Variants in MAGI3 observed in about 807,000 individuals in gnomAD.
The protein encoded by MAGI3 is membrane-associated guanylate kinase, WW and PDZ domain-containing protein 3.
MAGI3 carries 43 observed loss-of-function variants against 121.8 expected under a neutral mutation model. The observed-to-expected ratio is 0.35, with a 90% confidence interval of 0.28 to 0.46. The LOEUF is 0.46. Among genes scored for constraint, MAGI3 ranks in the 20% least tolerant of loss-of-function variants. MAGI3 has a pLI of 1.00. For synonymous variants in MAGI3, 553 were observed against 639.3 expected, an observed-to-expected ratio of 0.86 and a Z score of 2.04; for missense variants, 1,547 against 1,797.3, an observed-to-expected ratio of 0.86 and a Z score of 2.52.
intron 9 of MAGI3, among the ~76,000 whole-genome samples, chr1:113,631,649 A>C (rs1651641429): frequency 6.6e-6 from 1 of 152,038 alleles, no homozygotes; most frequent in African/African-American, 2.4e-5. Flanking sequence ...TTTACCTATA[A>C]CCTTATTTGA....
chr1:113,672,684 G>A lies in MAGI3; in HGVS notation c.2988G>A (p.Lys996=). The A allele has an allele frequency of 6.2e-7, 1 of 1,614,038 alleles. No homozygotes were observed. Among genetic ancestry groups the A allele is most frequent in the South Asian group, 1.1e-5 (1 of 91,048 alleles). ...TSYRHSWSDH[K]HLAQPDTAVI... ...ACAGACATTCTTGGTCAGACCACAA[G>A]CACCTTGCACAGCCTGACACCGCAG... The change falls in exon 18 of 21, where the codon AAG becomes AAA. Residue 996 remains lysine, a synonymous_variant. Transcript: ENST00000307546.
chr1:113,659,018 A>G, intron 15 of MAGI3, 62 bp from the exon 16 acceptor site: 1 of 1,320,066 alleles, frequency 7.6e-7, no homozygotes, highest in Non-Finnish European at 1.1e-6. Context: ...GACGTTGATT[A>G]TAAATCTAAC....
intron 1 of MAGI3, among the ~76,000 whole-genome samples, chr1:113,446,577 C>A (rs1244845698): frequency 6.6e-6 from 1 of 152,108 alleles, no homozygotes; most frequent in Non-Finnish European, 1.5e-5. Context: ...AACCAAAAGA[C>A]AGAGATTGGC....
intron 19 of MAGI3, among the ~76,000 whole-genome samples, chr1:113,680,486 G>A (rs754885467): frequency 3.3e-5 from 5 of 152,078 alleles, no homozygotes; most frequent in Non-Finnish European, 7.4e-5. Context: ...GGCCGGGCGC[G>A]GTGGCTCACG....
chr1:113,643,906 T>G (rs1652689348), intron 11 of MAGI3, 132 bp downstream of exon 11: 1 of 945,632 alleles, frequency 1.1e-6, no homozygotes, highest in African/African-American at 1.7e-5. Flanking sequence ...TGCCCTTGGC[T>G]TGTATTTATT....
chr1:113,419,658 G>T (rs1240925487), intron 1 of MAGI3, among the ~76,000 whole-genome samples: 1 of 152,126 alleles, frequency 6.6e-6, no homozygotes, highest in South Asian at 2.1e-4. Flanking sequence ...TTGGAGAGTG[G>T]TTGGAGACAT....
At chr1:113,441,608 A>G (rs1936927) in intron 1 of MAGI3, among the ~76,000 whole-genome samples, 23,183 of 152,164 alleles carry the variant, frequency 0.15, 2,807 homozygotes, top group East Asian at 0.63. Flanking sequence ...GAAAACAAAC[A>G]TTCAGAGTAG....
chr1:113,657,794 G>A (rs1653564117), intron 15 of MAGI3, among the ~76,000 whole-genome samples: 2 of 152,168 alleles, frequency 1.3e-5, no homozygotes, highest in African/African-American at 4.8e-5. Flanking sequence ...AAGGAAAATA[G>A]AATAATAAGT....
At chr1:113,464,828 C>T (rs1295915789) in intron 1 of MAGI3, among the ~76,000 whole-genome samples, 6 of 152,020 alleles carry the variant, frequency 3.9e-5, no homozygotes, top group African/African-American at 1.4e-4. Flanking sequence ...ATCTTTTGCC[C>T]GTTTTTAAAT....
At chr1:113,651,991 A>T (rs142272048) in intron 14 of MAGI3, among the ~76,000 whole-genome samples, 3 of 152,124 alleles carry the variant, frequency 2.0e-5, no homozygotes, top group Non-Finnish European at 2.9e-5. Flanking sequence ...TGCATGGATT[A>T]TTTTATTTAA....
At chr1:113,571,330 G>T (rs980216891) in intron 2 of MAGI3, among the ~76,000 whole-genome samples, 1 of 152,064 alleles carries the variant, frequency 6.6e-6, no homozygotes, top group Admixed American at 6.6e-5. Flanking sequence ...GTGGTGTGAC[G>T]CCTCCAGCTT....
chr1:113,450,720 G>A (rs1654445127), intron 1 of MAGI3: 14 of 1,123,820 alleles, frequency 1.2e-5, no homozygotes, highest in Middle Eastern at 2.0e-4. Context: ...GGATATGGTA[G>A]CAGAAGGTTC....
chr1:113,546,810 C>T (rs1659554766), intron 1 of MAGI3, among the ~76,000 whole-genome samples: 1 of 151,674 alleles, frequency 6.6e-6, no homozygotes, highest in Non-Finnish European at 1.5e-5. Context: ...AGGCCAGGCA[C>T]AGTGGCTCAT....
At chr1:113,423,923 G>A (rs1236401696) in intron 1 of MAGI3, among the ~76,000 whole-genome samples, 6 of 152,264 alleles carry the variant, frequency 3.9e-5, no homozygotes, top group South Asian at 2.1e-4. Context: ...GTGTGTCAGC[G>A]CCACCCCAAG....
chr1:113,616,645 T>C (rs1650487176), intron 7 of MAGI3, among the ~76,000 whole-genome samples: 1 of 152,216 alleles, frequency 6.6e-6, no homozygotes, highest in Non-Finnish European at 1.5e-5. Flanking sequence ...ATGCTTATAA[T>C]ATGCATAAAT....
chr1:113,661,020 C>G (rs1236990609), intron 16 of MAGI3, among the ~76,000 whole-genome samples: 2 of 151,962 alleles, frequency 1.3e-5, no homozygotes, highest in African/African-American at 4.8e-5. Context: ...TATTTAAACC[C>G]AATAAAAGAA....
intron 1 of MAGI3, among the ~76,000 whole-genome samples, chr1:113,478,435 G>T (rs1655955798): frequency 6.6e-6 from 1 of 151,844 alleles, no homozygotes; most frequent in African/African-American, 2.4e-5. Flanking sequence ...CCTTTTTGTT[G>T]ACGTTGATGC....
intron 1 of MAGI3, among the ~76,000 whole-genome samples, chr1:113,398,241 G>C (rs1302651808): frequency 6.6e-6 from 1 of 152,114 alleles, no homozygotes; most frequent in East Asian, 1.9e-4. Context: ...TTAGGTACTT[G>C]TTTTATTAAC....
At chr1:113,657,778 G>A (rs572801814) in intron 15 of MAGI3, among the ~76,000 whole-genome samples, 15 of 152,270 alleles carry the variant, frequency 9.9e-5, no homozygotes, top group African/African-American at 3.4e-4. Flanking sequence ...TAATTACGTT[G>A]TTTGTAAGGA....
Sources: allele counts gnomAD v4.1 joint callset (sites outside exome capture counted in the v4.1 genomes callset), GRCh38; gene constraint gnomAD v4.1.1; transcripts MANE v1.5; gene names NCBI Gene and HGNC (gene_info 2026-07-23, HGNC 2026-07-21).